Variants in SPPL3 observed in about 807,000 individuals in gnomAD.
The protein encoded by SPPL3 is signal peptide peptidase like 3, also known as signal peptide peptidase-like 3.
In SPPL3, 5 loss-of-function variants were observed where a neutral mutation model predicts 42.4. That is an observed-to-expected ratio of 0.12 (90% CI 0.06 to 0.25). The LOEUF is 0.25. Ranked by LOEUF, SPPL3 falls within the 10% of genes least tolerant of loss-of-function variation. The pLI, the probability that SPPL3 is intolerant of heterozygous loss-of-function variation, is 1.00. For synonymous variants in SPPL3, 195 were observed against 181.8 expected, an observed-to-expected ratio of 1.07 and a Z score of -0.58; for missense variants, 235 against 489.0, an observed-to-expected ratio of 0.48 and a Z score of 4.90.
chr12:120,800,105 A>G (rs1160103549), intron 2 of SPPL3, among the ~76,000 whole-genome samples: 1 of 152,190 alleles, frequency 6.6e-6, no homozygotes, highest in African/African-American at 2.4e-5. Context: ...TGCCTTCACA[A>G]TCTTGTTATT....
chr12:120,846,347 T>TAGC (rs1003301678), intron 1 of SPPL3, among the ~76,000 whole-genome samples: 3 of 152,276 alleles, frequency 2.0e-5, no homozygotes, highest in Non-Finnish European at 4.4e-5. Flanking sequence ...CATATTTGTT[T>TAGC]AGCATGGCAA....
intron 1 of SPPL3, among the ~76,000 whole-genome samples, chr12:120,857,104 G>C (rs1872485360): frequency 6.6e-6 from 1 of 152,278 alleles, no homozygotes; most frequent in East Asian, 1.9e-4. Flanking sequence ...CCCAAATAAA[G>C]AACCAGGAAG....
chr12:120,874,497 T>TA (rs1192224820), intron 1 of SPPL3, among the ~76,000 whole-genome samples: 1 of 147,884 alleles, frequency 6.8e-6, no homozygotes, highest in Non-Finnish European at 1.5e-5. Context: ...TGAGTAAATG[T>TA]AAAAGACATG....
chr12:120,815,758 G>A (rs367645937), intron 1 of SPPL3, among the ~76,000 whole-genome samples: 2 of 151,854 alleles, frequency 1.3e-5, no homozygotes, highest in East Asian at 1.9e-4. Context: ...ACAGAGTCTC[G>A]CTCTGTCGCC....
intron 1 of SPPL3, among the ~76,000 whole-genome samples, chr12:120,849,683 C>A (rs1346491417): frequency 6.6e-6 from 1 of 152,160 alleles, no homozygotes; most frequent in East Asian, 1.9e-4. Context: ...TATGAGGAAG[C>A]TTGACTAGTG....
In SPPL3 at chr12:120,766,100, GCACACACACACACACACACA is replaced by G. The variant is rs111837123; in HGVS notation, c.1083+143_1083+162del. Among the ~76,000 whole-genome samples the G allele has an allele frequency of 6.2e-3, 522 of 84,140 alleles. 3 individuals carry two copies. The highest frequency in any genetic ancestry group is 0.021 in the African/African-American group (494 of 23,364). 55.2% of individuals were successfully genotyped at this position (84,140 alleles called of 152,430 possible). A position where few individuals can be genotyped will look rare whatever the true frequency, so the allele number is the denominator to read the frequency against. On this transcript the variant is annotated intron_variant, in intron 10 of 10. Transcript: ENST00000353487. The stretch of plus-strand genomic sequence containing the variant: ...GCTAACGCCAGGGTAGCGCGCGCGC[GCACACACACACACACACACA>G]CACACACACACACACACACACAGTC...
chr12:120,766,205 C>A (rs543479435), intron 10 of SPPL3, 58 bp downstream of exon 10: 6 of 1,429,388 alleles, frequency 4.2e-6, no homozygotes, highest in Non-Finnish European at 5.7e-6. Context: ...AGAGTGCAAA[C>A]CGAGGCACAG....
intron 1 of SPPL3, among the ~76,000 whole-genome samples, chr12:120,833,766 AGTGTGTGTGTGTGTGTGT>A (rs71076664): frequency 1.4e-3 from 201 of 146,734 alleles, no homozygotes; most frequent in African/African-American, 3.0e-3. Context: ...TGAGTTTTAA[AGTGTGTGTGTGTGTGTGT>A]GTGTGTGTGT....
intron 9 of SPPL3, 48 bp from the exon 10 acceptor site, chr12:120,766,420 C>A: frequency 6.8e-7 from 1 of 1,474,088 alleles, no homozygotes; most frequent in Non-Finnish European, 9.2e-7. Flanking sequence ...GAACCCGTGT[C>A]ACCTGGCTGC....
At chr12:120,854,282 A>G (rs551126821) in intron 1 of SPPL3, among the ~76,000 whole-genome samples, 13 of 152,334 alleles carry the variant, frequency 8.5e-5, no homozygotes, top group African/African-American at 2.9e-4. Context: ...CTCCACATTC[A>G]GTGGGAGGTA....
chr12:120,850,611 T>G (rs554820562), intron 1 of SPPL3, among the ~76,000 whole-genome samples: 1 of 151,716 alleles, frequency 6.6e-6, no homozygotes, highest in Non-Finnish European at 1.5e-5. Flanking sequence ...TTCAAACACT[T>G]TCCCTTTTTA....
At chr12:120,837,190 C>CATTAT (rs1871648979) in intron 1 of SPPL3, among the ~76,000 whole-genome samples, 1 of 152,154 alleles carries the variant, frequency 6.6e-6, no homozygotes, top group Non-Finnish European at 1.5e-5. Flanking sequence ...TTAATAAGTA[C>CATTAT]TAGCTATATT....
chr12:120,882,474 T>C (rs1037504097), intron 1 of SPPL3, among the ~76,000 whole-genome samples: 1 of 152,116 alleles, frequency 6.6e-6, no homozygotes, highest in Non-Finnish European at 1.5e-5. Context: ...TGTATACACA[T>C]GTGTTTTCAT....
chr12:120,858,895 A>AAACT (rs1421047257), intron 1 of SPPL3, among the ~76,000 whole-genome samples: 2 of 152,230 alleles, frequency 1.3e-5, no homozygotes, highest in Non-Finnish European at 2.9e-5. Context: ...CTATGAAGTG[A>AAACT]AACTGCAGGG....
chr12:120,813,128 A>ACC (rs1310417776), intron 1 of SPPL3, among the ~76,000 whole-genome samples: 5 of 149,946 alleles, frequency 3.3e-5, no homozygotes, highest in African/African-American at 9.9e-5. Flanking sequence ...TTAAAAGATT[A>ACC]TCTTTTTTTT....
intron 1 of SPPL3, among the ~76,000 whole-genome samples, chr12:120,887,122 G>T (rs1199540548): frequency 6.6e-6 from 1 of 151,830 alleles, no homozygotes; most frequent in Non-Finnish European, 1.5e-5. Flanking sequence ...GCTAATTTTT[G>T]TATTTTTAGT....
At chr12:120,809,726 C>A (rs1054402084) in intron 2 of SPPL3, among the ~76,000 whole-genome samples, 10 of 152,158 alleles carry the variant, frequency 6.6e-5, no homozygotes, top group African/African-American at 2.4e-4. Flanking sequence ...AGAACCTCAG[C>A]AGGATCTAGT....
chr12:120,884,379 C>A (rs536414210), intron 1 of SPPL3, among the ~76,000 whole-genome samples: 33 of 152,126 alleles, frequency 2.2e-4, no homozygotes, highest in Non-Finnish European at 1.5e-5. Context: ...ACAGTATAAA[C>A]CTGTTCCTGC....
At chr12:120,822,935 G>C (rs992654030) in intron 1 of SPPL3, among the ~76,000 whole-genome samples, 21 of 151,916 alleles carry the variant, frequency 1.4e-4, no homozygotes, top group African/African-American at 4.8e-4. Flanking sequence ...AGCACTCCAT[G>C]ATAAAGACTC....
Sources: allele counts gnomAD v4.1 joint callset (sites outside exome capture counted in the v4.1 genomes callset), GRCh38; gene constraint gnomAD v4.1.1; transcripts MANE v1.5; gene names NCBI Gene and HGNC (gene_info 2026-07-23, HGNC 2026-07-21).